DNAI1: variants seen among roughly 807,000 people sequenced by gnomAD.
The protein encoded by DNAI1 is dynein, axonemal, intermediate polypeptide 1.
DNAI1 carries 67 observed loss-of-function variants against 92.0 expected under a neutral mutation model. The observed-to-expected ratio is 0.73, with a 90% CI of 0.60 to 0.89. DNAI1 has a LOEUF of 0.89. Ranked by LOEUF, DNAI1 falls within the 40% of genes least tolerant of loss-of-function variation. The probability of loss-of-function intolerance (pLI) is 0.00; values close to 1 mark genes in which losing one functional copy is unlikely to be tolerated. For synonymous variants in DNAI1, 323 were observed against 319.6 expected, an observed-to-expected ratio of 1.01 and a Z score of -0.11; for missense variants, 839 against 866.6, an observed-to-expected ratio of 0.97 and a Z score of 0.40.
intron 12 of DNAI1, among the ~76,000 whole-genome samples, chr9:34,503,358 G>A (rs1824869222): frequency 1.3e-5 from 2 of 152,226 alleles, no homozygotes; most frequent in South Asian, 4.2e-4. Flanking sequence ...TGCTGGATGG[G>A]GTCACTATGA....
rs1233082308 is a variant in DNAI1, at chr9:34,520,829, G to A, written c.*73G>A. Reference sequence around the variant, plus strand: ...GGGCTTGACCCTGGTACCCAGCCCAGCCTTAGCACCCAGCATGTGACCCCA... The same window carrying A: ...GGGCTTGACCCTGGTACCCAGCCCAACCTTAGCACCCAGCATGTGACCCCA... On this transcript the variant is annotated 3_prime_UTR_variant, in exon 20 of 20. Transcript: ENST00000242317. 1 of 1,440,292 alleles carries A rather than the reference G, an allele frequency of 6.9e-7. No homozygotes were observed. Among genetic ancestry groups the A allele is most frequent in the African/African-American group, 1.4e-5 (1 of 70,804 alleles). 89.2% of individuals were successfully genotyped at this position (1,440,292 alleles called of 1,614,324 possible).
In DNAI1 at chr9:34,490,636, A is replaced by T. The variant is rs1175655093; in HGVS notation, c.621+148A>T. 5 of 1,211,202 alleles carry T rather than the reference A, an allele frequency of 4.1e-6. No individual in the cohort carries two copies. In the East Asian group the frequency reaches 1.2e-4, roughly 28 times the overall value. 75.0% of individuals were successfully genotyped at this position (1,211,202 alleles called of 1,614,324 possible). On this transcript the variant is annotated intron_variant, in intron 7 of 19. Coordinates refer to ENST00000242317, the MANE Select transcript of DNAI1 (RefSeq NM_012144.4). ...CAGCTTATCTCCCCAAGGAGAGCTG[A>T]GAGCATGTGTTCAGGTCTCTGTAAG...
At chr9:34,489,159 T>G in intron 4 of DNAI1, 164 bp from the exon 5 acceptor site, 1 of 753,806 alleles carries the variant, frequency 1.3e-6, no homozygotes, top group East Asian at 2.5e-5. Flanking sequence ...TTTTCTTCTT[T>G]AAACTGAAAT....
intron 9 of DNAI1, among the ~76,000 whole-genome samples, chr9:34,494,364 A>G (rs1824674208): frequency 1.3e-5 from 2 of 152,106 alleles, no homozygotes; most frequent in Admixed American, 6.5e-5. Context: ...TTATTCAGTC[A>G]CTGACCAAGT....
chr9:34,481,462 C>T (rs962415009), intron 1 of DNAI1, among the ~76,000 whole-genome samples: 1 of 152,158 alleles, frequency 6.6e-6, no homozygotes, highest in African/African-American at 2.4e-5. Context: ...TATGTTGCCT[C>T]TGAGACTGTT....
rs1825105537 is a variant in DNAI1, at chr9:34,513,183, A to G, written c.1561A>G (p.Ile521Val). The part of the protein sequence containing the change: ...MFLVGTEEGK[I>V]YKCSKSYSSQ... Reference sequence around the variant, plus strand: ...CCTAGTGGGCACAGAGGAGGGAAAAATCTACAAGGTGAGGCTGCCCTGTGC... The same window carrying G: ...CCTAGTGGGCACAGAGGAGGGAAAAGTCTACAAGGTGAGGCTGCCCTGTGC... Residue 521 changes from isoleucine to valine, a missense_variant, in exon 16 of 20, where the codon ATC (isoleucine) becomes GTC (valine). Ile to Val is a conservative substitution (Grantham distance 29, BLOSUM62 3). Transcript: ENST00000242317. 1 of 1,613,874 alleles carries G rather than the reference A, an allele frequency of 6.2e-7. No individual in the cohort carries two copies. The highest frequency in any genetic ancestry group is 8.5e-7 in the Non-Finnish European group (1 of 1,179,908).
chr9:34,475,813 C>A (rs1824225519), intron 1 of DNAI1, among the ~76,000 whole-genome samples: 1 of 152,192 alleles, frequency 6.6e-6, no homozygotes, highest in African/African-American at 2.4e-5. Context: ...ATGGCTCCAT[C>A]TGATCACATA....
intron 12 of DNAI1, among the ~76,000 whole-genome samples, chr9:34,505,667 G>A (rs1824912161): frequency 6.6e-6 from 1 of 152,244 alleles, no homozygotes; most frequent in Admixed American, 6.5e-5. Context: ...GGACAGCACA[G>A]TAAGAGAGGA....
chr9:34,513,972 CTGTT>C (rs1825122430), intron 16 of DNAI1, among the ~76,000 whole-genome samples: 1 of 152,210 alleles, frequency 6.6e-6, no homozygotes, highest in Admixed American at 6.5e-5. Flanking sequence ...GATGTTATCA[CTGTT>C]GCAAGGATGA....
chr9:34,502,796 G>C (rs1485254976), intron 12 of DNAI1, among the ~76,000 whole-genome samples: 1 of 152,114 alleles, frequency 6.6e-6, no homozygotes, highest in Non-Finnish European at 1.5e-5. Context: ...AGTCCTGGGG[G>C]TGGGGGTGTC....
At chr9:34,507,777 G>A (rs1463269934) in intron 13 of DNAI1, among the ~76,000 whole-genome samples, 1 of 152,224 alleles carries the variant, frequency 6.6e-6, no homozygotes, top group African/African-American at 2.4e-5. Context: ...GGGTGGGACT[G>A]TAAGGCCTGG....
At position 34,473,948 on chromosome 9, in the gene DNAI1, G is replaced by A. The variant is rs560562960; in HGVS notation, c.49-9500G>A. ...TTGCTATGTCACCCAGGTTGGTCTC[G>A]AACTCCTGGACTCAAGCATTCCTCC... On this transcript the variant is annotated intron_variant, in intron 1 of 19. Coordinates refer to ENST00000242317, the MANE Select transcript of DNAI1 (RefSeq NM_012144.4). Among the ~76,000 whole-genome samples the A allele has an allele frequency of 7.9e-5, 12 of 152,078 alleles. No individual in the cohort carries two copies. In the South Asian group the frequency reaches 1.7e-3, roughly 21 times the overall value.
intron 4 of DNAI1, among the ~76,000 whole-genome samples, chr9:34,486,403 A>G (rs1057158139): frequency 6.6e-6 from 1 of 152,172 alleles, no homozygotes; most frequent in Non-Finnish European, 1.5e-5. Context: ...CAAGATTTCA[A>G]CTAGTTTGTC....
chr9:34,500,949 T>G lies in DNAI1; in HGVS notation c.1019+110T>G, dbSNP rs1824820356. ...ACCTTGAGTATGACATGTGACAGTA[T>G]AGAAAAATATGGAACTTGGATTCTT... is the stretch of plus-strand genomic sequence containing the variant. On this transcript the variant is annotated intron_variant, in intron 11 of 19. Transcript: ENST00000242317. The G allele has an allele frequency of 2.9e-6, 3 of 1,044,886 alleles. No homozygotes were observed. The South Asian group carries it at 3.8e-5, about 13-fold the overall frequency. 64.7% of individuals were successfully genotyped at this position (1,044,886 alleles called of 1,614,324 possible).
At chr9:34,474,310 C>A (rs1824198956) in intron 1 of DNAI1, among the ~76,000 whole-genome samples, 1 of 151,836 alleles carries the variant, frequency 6.6e-6, no homozygotes, top group Non-Finnish European at 1.5e-5. Flanking sequence ...TCTCAGCTTA[C>A]TGCAGCCTCT....
At chr9:34,490,331 C>T (rs373280395) in intron 6 of DNAI1, 38 bp from the exon 7 acceptor site, 62 of 1,614,050 alleles carry the variant, frequency 3.8e-5, no homozygotes, top group Non-Finnish European at 5.0e-5. Flanking sequence ...ACCACCTTCT[C>T]ACAGCTGATT....
chr9:34,489,109 T>G, intron 4 of DNAI1: 1 of 551,490 alleles, frequency 1.8e-6, no homozygotes, highest in Non-Finnish European at 3.2e-6. Context: ...TCCTTGATGA[T>G]AACTTTAAAA....
At chr9:34,506,473 C>A (rs1010066508) in intron 12 of DNAI1, among the ~76,000 whole-genome samples, 154 bp from the exon 13 acceptor site, 1 of 152,192 alleles carries the variant, frequency 6.6e-6, no homozygotes, top group Non-Finnish European at 1.5e-5. Flanking sequence ...TTCCACTTCA[C>A]AGATGGAAAA....
chr9:34,511,566 A>T (rs1825065233), intron 13 of DNAI1, among the ~76,000 whole-genome samples: 1 of 152,212 alleles, frequency 6.6e-6, no homozygotes, highest in South Asian at 2.1e-4. Flanking sequence ...CCAGATTCCG[A>T]GGATGATGGT....
Sources: gnomAD v4.1 joint callset for allele counts (sites outside exome capture counted in the v4.1 genomes callset) on GRCh38, gnomAD v4.1.1 for gene constraint, MANE v1.5 for transcripts, NCBI Gene and HGNC (gene_info 2026-07-23, HGNC 2026-07-21) for gene names.